The following SYT1 variants were observed in gnomAD, a reference collection of about 807,000 sequenced individuals.
SYT1 encodes synaptotagmin-1.
In SYT1, 8 loss-of-function variants were observed where a neutral mutation model predicts 44.8. That is an observed-to-expected ratio of 0.18 (90% CI 0.10 to 0.32). The LOEUF (loss-of-function observed/expected upper bound fraction) is 0.32. SYT1 is among the 10% of genes least tolerant of loss of function. SYT1 has a pLI of 1.00. For missense variants in SYT1, 286 were observed against 509.3 expected, an observed-to-expected ratio of 0.56 and a Z score of 4.22; for synonymous variants, 154 against 188.8, an observed-to-expected ratio of 0.82 and a Z score of 1.51.
chr12:79,059,445 A>C (rs1875212518), intron 3 of SYT1, among the ~76,000 whole-genome samples: 1 of 152,098 alleles, frequency 6.6e-6, no homozygotes, highest in African/African-American at 2.4e-5. Context: ...AAAACCATCC[A>C]CTCATAAAGT....
chr12:79,175,509 G>T lies in SYT1; in HGVS notation c.-17-41994G>T, dbSNP rs539090877. Among the ~76,000 whole-genome samples, 37 of 152,138 alleles carry T rather than the reference G, an allele frequency of 2.4e-4. No homozygotes were observed. The East Asian group carries it at 5.8e-3, about 24-fold the overall frequency. Reference sequence around the variant, plus strand: ...ATTTTTATAAAAGCACAGCTTTCAAGTTTATTGCACATCTCTTTAAAAATG... The same window carrying T: ...ATTTTTATAAAAGCACAGCTTTCAATTTTATTGCACATCTCTTTAAAAATG... On this transcript the variant is annotated intron_variant, in intron 3 of 10. Coordinates refer to ENST00000261205, the MANE Select transcript of SYT1 (RefSeq NM_005639.3).
chr12:78,922,580 G>T (rs1380812719), intron 1 of SYT1, among the ~76,000 whole-genome samples: 1 of 151,760 alleles, frequency 6.6e-6, no homozygotes, highest in Non-Finnish European at 1.5e-5. Flanking sequence ...CACTTCCAGG[G>T]CAGAATGGCA....
intron 3 of SYT1, among the ~76,000 whole-genome samples, chr12:79,102,535 G>T (rs1018712236): frequency 3.3e-5 from 5 of 152,200 alleles, no homozygotes. Context: ...CTAAAATGCT[G>T]TATGGTTCAC....
intron 3 of SYT1, among the ~76,000 whole-genome samples, chr12:79,093,563 C>A (rs970663637): frequency 2.0e-5 from 3 of 151,500 alleles, no homozygotes; most frequent in Non-Finnish European, 3.0e-5. Context: ...ATTTCTGAAA[C>A]CTTTATAATA....
intron 3 of SYT1, among the ~76,000 whole-genome samples, chr12:79,137,523 C>T (rs1009815908): frequency 2.0e-5 from 3 of 152,072 alleles, no homozygotes; most frequent in Admixed American, 1.3e-4. Flanking sequence ...AATAACTCTC[C>T]CAAGTCATAA....
At chr12:79,092,652 TCA>T (rs1354508626) in intron 3 of SYT1, among the ~76,000 whole-genome samples, 1 of 151,738 alleles carries the variant, frequency 6.6e-6, no homozygotes, top group East Asian at 1.9e-4. Context: ...TTTTTTGAGT[TCA>T]GTTTTTTCAC....
chr12:78,993,448 C>T (rs1870156618), intron 2 of SYT1, among the ~76,000 whole-genome samples: 2 of 152,166 alleles, frequency 1.3e-5, no homozygotes, highest in African/African-American at 4.8e-5. Flanking sequence ...AAGCCTATGA[C>T]ATTAGGTCCT....
chr12:79,047,103 A>G (rs1874126912), intron 2 of SYT1, among the ~76,000 whole-genome samples, 194 bp from the exon 3 acceptor site: 1 of 151,830 alleles, frequency 6.6e-6, no homozygotes, highest in South Asian at 2.1e-4. Flanking sequence ...TCTCTAGCTC[A>G]TCAAACAACT....
chr12:79,066,680 T>C (rs1362975567), intron 3 of SYT1, among the ~76,000 whole-genome samples: 1 of 151,996 alleles, frequency 6.6e-6, no homozygotes. Flanking sequence ...ATAAATGAAA[T>C]AATATTGGTA....
At chr12:79,305,519 G>A (rs1227817723) in intron 8 of SYT1, among the ~76,000 whole-genome samples, 1 of 151,556 alleles carries the variant, frequency 6.6e-6, no homozygotes, top group African/African-American at 2.4e-5. Context: ...CATTTACTGA[G>A]AGTCTACTAT....
intron 3 of SYT1, among the ~76,000 whole-genome samples, chr12:79,053,734 T>C (rs142531573): frequency 3.5e-4 from 53 of 151,626 alleles, no homozygotes; most frequent in African/African-American, 1.2e-3. Context: ...AAACTTAGAC[T>C]ATATTATTGT....
intron 9 of SYT1, among the ~76,000 whole-genome samples, chr12:79,425,648 A>G (rs143011548): frequency 1.5e-3 from 233 of 152,310 alleles, no homozygotes; most frequent in Non-Finnish European, 2.4e-3. Flanking sequence ...TCAACTAAAT[A>G]TAACTCCTTC....
intron 8 of SYT1, among the ~76,000 whole-genome samples, chr12:79,334,059 G>GT (rs1881978672): frequency 1.3e-5 from 2 of 152,044 alleles, no homozygotes; most frequent in Admixed American, 1.3e-4. Flanking sequence ...AAACCCAAAT[G>GT]TATCTTAACT....
At chr12:79,245,497 A>G (rs1270185092) in intron 4 of SYT1, among the ~76,000 whole-genome samples, 1 of 150,668 alleles carries the variant, frequency 6.6e-6, no homozygotes, top group Non-Finnish European at 1.5e-5. Context: ...AAAGAAAAGA[A>G]AAAAGAAAAA....
intron 2 of SYT1, among the ~76,000 whole-genome samples, chr12:79,007,644 G>A (rs959966266): frequency 2.0e-5 from 3 of 152,068 alleles, no homozygotes; most frequent in Non-Finnish European, 4.4e-5. Flanking sequence ...TGGGAATGGA[G>A]GACAAAAGCT....
At chr12:79,204,169 A>T (rs947965483) in intron 3 of SYT1, among the ~76,000 whole-genome samples, 2 of 152,254 alleles carry the variant, frequency 1.3e-5, no homozygotes, top group Non-Finnish European at 1.5e-5. Flanking sequence ...TGAGCATTAT[A>T]TGAGCTTAGA....
chr12:78,933,417 A>G (rs1877863789), intron 1 of SYT1, among the ~76,000 whole-genome samples: 1 of 152,192 alleles, frequency 6.6e-6, no homozygotes, highest in Non-Finnish European at 1.5e-5. Context: ...TATATTATCA[A>G]TATAAGAGTA....
intron 1 of SYT1, among the ~76,000 whole-genome samples, chr12:78,946,791 T>C (rs1306946259): frequency 6.6e-6 from 1 of 152,180 alleles, no homozygotes; most frequent in Non-Finnish European, 1.5e-5. Context: ...CTATAGTGCC[T>C]ATAACATTAT....
intron 9 of SYT1, among the ~76,000 whole-genome samples, chr12:79,363,749 AT>A (rs1357552119): frequency 2.7e-5 from 4 of 150,832 alleles, no homozygotes; most frequent in African/African-American, 9.8e-5. Flanking sequence ...AAAAAAAAAA[AT>A]TGTACTTTAT....
Sources: allele counts gnomAD v4.1 joint callset (sites outside exome capture counted in the v4.1 genomes callset), GRCh38; gene constraint gnomAD v4.1.1; transcripts MANE v1.5; gene names NCBI Gene and HGNC (gene_info 2026-07-23, HGNC 2026-07-21).